The following SEMA3C variants were observed in gnomAD, a reference collection of about 807,000 sequenced individuals.
SEMA3C encodes semaphorin 3C, also known as semaphorin-3C.
SEMA3C carries 47 observed loss-of-function variants against 89.4 expected under a neutral mutation model. The ratio of observed to expected loss-of-function variants is 0.53; its 90% confidence interval spans 0.42 to 0.67. The LOEUF (loss-of-function observed/expected upper bound fraction) is 0.67, where lower values mean the gene tolerates loss of function less well. Ranked by LOEUF, SEMA3C falls within the 30% of genes least tolerant of loss-of-function variation. SEMA3C has a pLI of 0.00. For missense variants in SEMA3C, 839 were observed against 929.1 expected, an observed-to-expected ratio of 0.90 and a Z score of 1.26; for synonymous variants, 310 against 320.2, an observed-to-expected ratio of 0.97 and a Z score of 0.34.
chr7:80,785,037 TTTCC>T (rs1372052512), intron 12 of SEMA3C, among the ~76,000 whole-genome samples: 1 of 152,170 alleles, frequency 6.6e-6, no homozygotes, highest in Non-Finnish European at 1.5e-5. Context: ...CCCTCCATTT[TTTCC>T]TTTTCTTTTT....
At chr7:80,892,665 TC>T (rs1791644063) in intron 2 of SEMA3C, among the ~76,000 whole-genome samples, 1 of 152,176 alleles carries the variant, frequency 6.6e-6, no homozygotes, top group Non-Finnish European at 1.5e-5. Context: ...AAAAATAGAT[TC>T]CTTAAATAAG....
At chr7:80,879,519 C>T (rs1791284256) in intron 2 of SEMA3C, among the ~76,000 whole-genome samples, 1 of 152,112 alleles carries the variant, frequency 6.6e-6, no homozygotes, top group Non-Finnish European at 1.5e-5. Flanking sequence ...AACACAGATT[C>T]TAACATACAA....
Position 80,798,121 on chromosome 7 carries a change from C to A in SEMA3C, c.1102G>T (p.Gly368Cys). ...GPNHQLISYQ[G>C]RIPYPRPGTC... ...CCAGGGCGAGGATATGGAATTCTGCCCTGATAGGAAATCAGCTGATGATTG... is the reference window on the plus strand; with the variant it reads ...CCAGGGCGAGGATATGGAATTCTGCACTGATAGGAAATCAGCTGATGATTG... The change falls in exon 11 of 18, where the codon GGC (glycine) becomes TGC (cysteine). Residue 368 changes from glycine (G) to cysteine (C), a missense_variant. Physicochemically the swap from Gly to Cys is radical, Grantham distance 159 (BLOSUM62 -3). Coordinates refer to ENST00000265361, the MANE Select transcript of SEMA3C (RefSeq NM_006379.5). The A allele has an allele frequency of 6.2e-7, 1 of 1,607,866 alleles. No homozygotes were observed. Among genetic ancestry groups the A allele is most frequent in the Non-Finnish European group, 8.5e-7 (1 of 1,177,574 alleles).
At chr7:80,837,898 A>G (rs1790170521) in intron 2 of SEMA3C, among the ~76,000 whole-genome samples, 1 of 152,284 alleles carries the variant, frequency 6.6e-6, no homozygotes, top group East Asian at 1.9e-4. Context: ...AGGGGACTAC[A>G]CTATGACTTG....
At chr7:80,911,520 A>T (rs1584003442) in intron 2 of SEMA3C, among the ~76,000 whole-genome samples, 1 of 152,228 alleles carries the variant, frequency 6.6e-6, no homozygotes, top group Non-Finnish European at 1.5e-5. Context: ...CAAATTTAAA[A>T]TAAGCTATCT....
chr7:80,839,561 A>C lies in SEMA3C; in HGVS notation c.104-10816T>G, dbSNP rs182425132. 4.4e-4 allele frequency among the ~76,000 whole-genome samples: 67 copies of C among 152,274 alleles called. 2 individuals are homozygous for C. The highest frequency in any genetic ancestry group is 4.1e-3 in the Admixed American group (62 of 15,278). On this transcript the variant is annotated intron_variant, in intron 2 of 17. Coordinates refer to ENST00000265361, the MANE Select transcript of SEMA3C (RefSeq NM_006379.5). ...TTGTGTAAAAATGTTAAGATACGGA[A>C]AACATTTTCTCATGTGCTAAAGTCA... is the stretch of plus-strand genomic sequence containing the variant.
intron 2 of SEMA3C, among the ~76,000 whole-genome samples, chr7:80,844,232 G>T (rs868065147): frequency 6.6e-6 from 1 of 152,026 alleles, no homozygotes. Flanking sequence ...AAAAATAAAC[G>T]TATTGGACAG....
chr7:80,764,825 A>G (rs1196675868), intron 13 of SEMA3C, among the ~76,000 whole-genome samples: 1 of 152,202 alleles, frequency 6.6e-6, no homozygotes, highest in Non-Finnish European at 1.5e-5. Context: ...AGCAAATGAT[A>G]AAAGCCCTTT....
At chr7:80,895,771 C>T (rs1434229455) in intron 2 of SEMA3C, among the ~76,000 whole-genome samples, 1 of 152,040 alleles carries the variant, frequency 6.6e-6, no homozygotes, top group Non-Finnish European at 1.5e-5. Flanking sequence ...CAGCTACTTA[C>T]TTTTTAAAAT....
At chr7:80,776,935 T>C (rs1260632322) in intron 12 of SEMA3C, among the ~76,000 whole-genome samples, 1 of 152,158 alleles carries the variant, frequency 6.6e-6, no homozygotes, top group African/African-American at 2.4e-5. Flanking sequence ...AAATACTTAT[T>C]AAATGCATAG....
intron 2 of SEMA3C, among the ~76,000 whole-genome samples, chr7:80,887,339 T>A (rs1791507730): frequency 1.3e-5 from 2 of 152,166 alleles, no homozygotes; most frequent in African/African-American, 4.8e-5. Flanking sequence ...AAAAGCACGA[T>A]TTATTGAAAC....
In SEMA3C at chr7:80,804,252, G is replaced by GA; in HGVS notation, c.659-5dup. 2 of 1,572,878 alleles carry GA rather than the reference G, an allele frequency of 1.3e-6. No homozygotes were observed. The highest frequency in any genetic ancestry group is 1.4e-5 in the African/African-American group (1 of 72,734). On this transcript the variant is annotated splice_region_variant and splice_polypyrimidine_tract_variant and intron_variant, in intron 7 of 17. Transcript: ENST00000265361. ...TGTGCATCTACAAACATAGGTTCTA[G>GA]AAAAAAAGGTAAAAGACTAGGTATA...
At chr7:80,913,293 C>T (rs1000260369) in intron 2 of SEMA3C, among the ~76,000 whole-genome samples, 3 of 151,972 alleles carry the variant, frequency 2.0e-5, no homozygotes, top group Non-Finnish European at 4.4e-5. Flanking sequence ...CCCAGCTACT[C>T]GGGAGGCTGA....
intron 2 of SEMA3C, among the ~76,000 whole-genome samples, chr7:80,916,373 A>T (rs1247868289): frequency 6.6e-6 from 1 of 152,220 alleles, no homozygotes. Context: ...GAACAGTAAG[A>T]TCAAAGATGC....
intron 12 of SEMA3C, among the ~76,000 whole-genome samples, chr7:80,777,226 C>T (rs1002903512): frequency 6.6e-6 from 1 of 152,040 alleles, no homozygotes; most frequent in Admixed American, 6.6e-5. Flanking sequence ...AACTTGAATG[C>T]TAAAATATAT....
chr7:80,908,813 G>C lies in SEMA3C; in HGVS notation c.103+7866C>G, dbSNP rs554885479. 2.0e-5 allele frequency among the ~76,000 whole-genome samples: 3 copies of C among 152,216 alleles called. No individual in the cohort carries two copies. The East Asian group carries it at 5.8e-4, about 29-fold the overall frequency. ...CCTCAGCTTGCTTGCACTAAAAGCTGTCACTATATAAGTGTTACAATAATG... is the reference window on the plus strand; with the variant it reads ...CCTCAGCTTGCTTGCACTAAAAGCTCTCACTATATAAGTGTTACAATAATG... On this transcript the variant is annotated intron_variant, in intron 2 of 17. Coordinates refer to ENST00000265361, the MANE Select transcript of SEMA3C (RefSeq NM_006379.5).
At chr7:80,775,107 T>A (rs1205342160) in intron 12 of SEMA3C, among the ~76,000 whole-genome samples, 2 of 152,028 alleles carry the variant, frequency 1.3e-5, no homozygotes, top group African/African-American at 4.8e-5. Flanking sequence ...CAATTCTATA[T>A]CCACAAAAAT....
At chr7:80,828,774 T>C in intron 2 of SEMA3C, 29 bp from the exon 3 acceptor site, 4 of 1,513,212 alleles carry the variant, frequency 2.6e-6, no homozygotes, top group Non-Finnish European at 3.6e-6. Flanking sequence ...CAAGTGTAGA[T>C]ACAGTATCCT....
intron 1 of SEMA3C, 29 bp from the exon 2 acceptor site, chr7:80,916,848 T>A: frequency 1.3e-6 from 2 of 1,591,330 alleles, no homozygotes; most frequent in Admixed American, 1.7e-5. Flanking sequence ...ATGTTTGTTA[T>A]ATCTCATTTC....
Sources: gnomAD v4.1 joint callset for allele counts (sites outside exome capture counted in the v4.1 genomes callset) on GRCh38, gnomAD v4.1.1 for gene constraint, MANE v1.5 for transcripts, NCBI Gene and HGNC (gene_info 2026-07-23, HGNC 2026-07-21) for gene names.